KIF13A: variants seen among roughly 807,000 people sequenced by gnomAD.
KIF13A encodes the protein kinesin family member 13A.
In KIF13A, 79 loss-of-function variants were observed where a neutral mutation model predicts 212.2. That is an observed-to-expected ratio of 0.37 (90% CI 0.31 to 0.45). The LOEUF (loss-of-function observed/expected upper bound fraction) is 0.45. KIF13A is among the 20% of genes least tolerant of loss of function. The probability of loss-of-function intolerance (pLI) is 1.00; values close to 1 mark genes in which losing one functional copy is unlikely to be tolerated. For synonymous variants in KIF13A, 789 were observed against 808.6 expected (o/e 0.98, Z 0.41); for missense variants, 1,901 against 2,209.0 (o/e 0.86, Z 2.79).
chr6:17,881,382 A>C, intron 3 of KIF13A: 1 of 394,958 alleles, frequency 2.5e-6, no homozygotes, highest in Non-Finnish European at 4.8e-6. Flanking sequence ...TAGTACAGTT[A>C]AACTCCACTT....
At chr6:17,972,009 C>A (rs1779845782) in intron 2 of KIF13A, among the ~76,000 whole-genome samples, 1 of 152,114 alleles carries the variant, frequency 6.6e-6, no homozygotes, top group African/African-American at 2.4e-5. Flanking sequence ...AGGCTGTAAT[C>A]CTAGAAAGAA....
At chr6:17,760,710 AG>A, downstream of KIF13A, 4 of 730,816 alleles carry the variant, frequency 5.5e-6, no homozygotes, top group Non-Finnish European at 9.5e-6. Context: ...GAGGTGGCCC[AG>A]GAAGTGCACG....
At chr6:17,882,910 A>G (rs1771207071) in intron 3 of KIF13A, among the ~76,000 whole-genome samples, 2 of 152,280 alleles carry the variant, frequency 1.3e-5, no homozygotes, top group Admixed American at 6.5e-5. Flanking sequence ...CTGAATTTCC[A>G]TATCTGTCTA....
chr6:17,871,745 G>A lies in KIF13A; in HGVS notation c.220+1632C>T, dbSNP rs547690611. 8.7e-4 allele frequency among the ~76,000 whole-genome samples: 132 copies of A among 152,308 alleles called. No individual in the cohort carries two copies. Among genetic ancestry groups the A allele is most frequent in the Non-Finnish European group, 1.4e-3 (95 of 68,020 alleles). On this transcript the variant is annotated intron_variant, in intron 4 of 38. Coordinates refer to ENST00000259711, the MANE Select transcript of KIF13A (RefSeq NM_022113.6). The surrounding 1 kb of genome is among the most constrained non-coding windows in gnomAD (Gnocchi z 4.4). ...GTATAGATTTTTTCTAGCATGTGAT[G>A]AGGAGTCCTGGAAAGTATCTGAGAA...
rs546543650 is a variant in KIF13A, at chr6:17,769,632, A to C, written c.4581+1482T>G. The stretch of plus-strand genomic sequence containing the variant: ...AGAAGGGTCATCCAGCAGTGTCTTG[A>C]TGGTGTTGTACCAAAATGTATCGTT... On this transcript the variant is annotated intron_variant, in intron 38 of 38. Coordinates refer to ENST00000259711, the MANE Select transcript of KIF13A (RefSeq NM_022113.6). This position sits in a 1 kb window ranked among gnomAD's most constrained non-coding sequence, Gnocchi z 5.8. Among the ~76,000 whole-genome samples the C allele has an allele frequency of 6.0e-4, 92 of 152,316 alleles. No homozygotes were observed. In the South Asian group the frequency reaches 0.018, roughly 30 times the overall value.
At chr6:17,848,862 C>A (rs1767354801) in intron 9 of KIF13A, among the ~76,000 whole-genome samples, 1 of 152,092 alleles carries the variant, frequency 6.6e-6, no homozygotes, top group Non-Finnish European at 1.5e-5. Context: ...CTCACCTTGG[C>A]CTTCCAAAAT....
rs1770007307 is a variant in KIF13A, at chr6:17,871,510, T to C, written c.220+1867A>G. 6.6e-6 allele frequency among the ~76,000 whole-genome samples: 1 copy of C among 152,156 alleles called. No individual in the cohort carries two copies. Among genetic ancestry groups the C allele is most frequent in the South Asian group, 2.1e-4 (1 of 4,834 alleles). ...ATTTTTGGATTTCTCAAGGGCTTCA[T>C]GGGCTGCACACACACAGTGGGTTGG... On this transcript the variant is annotated intron_variant, in intron 4 of 38. Transcript: ENST00000259711. This position sits in a 1 kb window ranked among gnomAD's most constrained non-coding sequence, Gnocchi z 4.4.
In KIF13A at chr6:17,764,813, G is replaced by A. The variant is rs1758799066; in HGVS notation, c.4715C>T (p.Ser1572Phe). 4 of 1,613,494 alleles carry A rather than the reference G, an allele frequency of 2.5e-6. No individual in the cohort carries two copies. The East Asian group carries it at 6.7e-5, about 27-fold the overall frequency. ...CCGTGAGTTTGACAGATCTACTTTA[G>A]AGGAAAACCATTCCCTGTTCTCCAA... The part of the protein sequence containing the change: ...ASLENREWFS[S>F]KVDLSNSRVL... The change falls in exon 39 of 39, where the codon TCT becomes TTT. Residue 1572 changes from serine (S) to phenylalanine (F), a missense_variant. This residue lies in a region of KIF13A where 687 missense variants were observed against 759.1 expected (regional missense o/e 0.90). Transcript: ENST00000259711. The surrounding 1 kb of genome is among the most constrained non-coding windows in gnomAD (Gnocchi z 5.1).
At chr6:17,973,326 C>T (rs578035732) in intron 2 of KIF13A, among the ~76,000 whole-genome samples, 1 of 152,286 alleles carries the variant, frequency 6.6e-6, no homozygotes, top group African/African-American at 2.4e-5. Flanking sequence ...TCTGCAGACA[C>T]AGGCAAAGGA....
rs1765160904 is a variant in KIF13A at position 17,828,461 on chromosome 6, T to C, written c.1402-91A>G. 9.3e-7 allele frequency: 1 copy of C among 1,074,814 alleles called. No individual in the cohort carries two copies. The highest frequency in any genetic ancestry group is 1.3e-6 in the Non-Finnish European group (1 of 756,088). 66.6% of individuals were successfully genotyped at this position (1,074,814 alleles called of 1,614,324 possible). A position where few individuals can be genotyped will look rare whatever the true frequency, so the allele number is the denominator to read the frequency against. On this transcript the variant is annotated intron_variant, in intron 13 of 38. Transcript: ENST00000259711. This position sits in a 1 kb window ranked among gnomAD's most constrained non-coding sequence, Gnocchi z 4.3. Reference sequence around the variant, plus strand: ...AATCAATTTGAATAACGCAGCAGCATATGCACAAAAATATTAAACGAATCC... The same window carrying C: ...AATCAATTTGAATAACGCAGCAGCACATGCACAAAAATATTAAACGAATCC...
chr6:17,888,292 G>A lies in KIF13A; in HGVS notation c.159+9876C>T, dbSNP rs564579563. On this transcript the variant is annotated intron_variant, in intron 3 of 38. Transcript: ENST00000259711. This position sits in a 1 kb window ranked among gnomAD's most constrained non-coding sequence, Gnocchi z 4.8. ...TCCTAGGAAAAACGTATAGTGAGAA[G>A]GTTATGCTGTCATTGAGTTCATGCA... Among the ~76,000 whole-genome samples the A allele has an allele frequency of 1.3e-5, 2 of 152,232 alleles. No individual in the cohort carries two copies. Among genetic ancestry groups the A allele is most frequent in the South Asian group, 2.1e-4 (1 of 4,820 alleles).
chr6:17,841,116 T>C (rs1190315902), intron 9 of KIF13A, among the ~76,000 whole-genome samples: 1 of 151,572 alleles, frequency 6.6e-6, no homozygotes, highest in Non-Finnish European at 1.5e-5. Flanking sequence ...GGTCTCACTT[T>C]GTTGCCCAGG....
chr6:17,823,204 A>T (rs922901412), intron 16 of KIF13A, among the ~76,000 whole-genome samples: 2 of 150,326 alleles, frequency 1.3e-5, no homozygotes, highest in African/African-American at 2.4e-5. Context: ...GCCTGGCTAA[A>T]TTTTTATTTT....
At chr6:17,902,963 TA>T (rs1197531648) in intron 2 of KIF13A, among the ~76,000 whole-genome samples, 1 of 152,200 alleles carries the variant, frequency 6.6e-6, no homozygotes, top group Non-Finnish European at 1.5e-5. Flanking sequence ...AGGATTTACT[TA>T]AATCACCACC....
chr6:17,898,225 G>A lies in KIF13A; in HGVS notation c.147-45C>T. 1 of 1,600,140 alleles carries A rather than the reference G, an allele frequency of 6.2e-7. No homozygotes were observed. The highest frequency in any genetic ancestry group is 8.6e-7 in the Non-Finnish European group (1 of 1,168,996). ...AAATTCAGCAGCAGGGATACAGAGG[G>A]TTGTCAACACAGCAGCCACATCAGA... is the stretch of plus-strand genomic sequence containing the variant. On this transcript the variant is annotated intron_variant, in intron 2 of 38. Transcript: ENST00000259711. This position sits in a 1 kb window ranked among gnomAD's most constrained non-coding sequence, Gnocchi z 5.2.
chr6:17,800,469 C>T (rs2150332702), intron 20 of KIF13A, among the ~76,000 whole-genome samples: 1 of 151,878 alleles, frequency 6.6e-6, no homozygotes, highest in Admixed American at 6.6e-5. Context: ...TGGAGTCTTG[C>T]TCTGTCATCC....
intron 2 of KIF13A, among the ~76,000 whole-genome samples, chr6:17,906,254 T>C (rs1773488350): frequency 6.6e-6 from 1 of 152,172 alleles, no homozygotes; most frequent in Non-Finnish European, 1.5e-5. Flanking sequence ...TCATTCAGAA[T>C]CTACTAAGTT....
intron 9 of KIF13A, among the ~76,000 whole-genome samples, chr6:17,841,753 AG>A (rs1351325132): frequency 6.6e-6 from 1 of 152,168 alleles, no homozygotes; most frequent in Admixed American, 6.5e-5. Context: ...AAATAACTGC[AG>A]GGTGAGTGGG....
Position 17,918,645 on chromosome 6 carries a change from G to A in KIF13A, c.147-20465C>T, listed in dbSNP as rs905081889. Among the ~76,000 whole-genome samples the A allele has an allele frequency of 6.6e-6, 1 of 152,128 alleles. No individual in the cohort carries two copies. Among genetic ancestry groups the A allele is most frequent in the African/African-American group, 2.4e-5 (1 of 41,424 alleles). ...GGCTGCCTTCCTACAGGTAAGAGAA[G>A]TATCACTTGGAATTGAAAGCACTCC... On this transcript the variant is annotated intron_variant, in intron 2 of 38. Coordinates refer to ENST00000259711, the MANE Select transcript of KIF13A (RefSeq NM_022113.6). The surrounding 1 kb of genome is among the most constrained non-coding windows in gnomAD (Gnocchi z 4.8).
Sources: gnomAD v4.1 joint callset for allele counts (sites outside exome capture counted in the v4.1 genomes callset) on GRCh38, gnomAD v4.1.1 for gene constraint, gnomAD v4.1.1 regional missense constraint, Gnocchi (gnomAD v3.1) non-coding constraint, MANE v1.5 for transcripts, NCBI Gene and HGNC (gene_info 2026-07-23, HGNC 2026-07-21) for gene names.